The following RABGAP1L variants were observed in gnomAD, a reference collection of about 807,000 sequenced individuals.
The protein encoded by RABGAP1L is RAB GTPase activating protein 1 like.
Under a neutral mutation model 137.7 loss-of-function variants are expected in RABGAP1L, and 63 were observed. The ratio of observed to expected loss-of-function variants is 0.46; its 90% CI spans 0.37 to 0.56. The LOEUF (loss-of-function observed/expected upper bound fraction) is 0.56, where lower values mean the gene tolerates loss of function less well. RABGAP1L is among the 20% of genes least tolerant of loss of function. RABGAP1L has a pLI of 0.00. For missense variants in RABGAP1L, 1,095 were observed against 1,244.0 expected (o/e 0.88, Z 1.80); for synonymous variants, 431 against 433.7 (o/e 0.99, Z 0.08).
intron 12 of RABGAP1L, among the ~76,000 whole-genome samples, chr1:174,385,669 A>C (rs1460437237): frequency 2.0e-5 from 3 of 152,206 alleles, no homozygotes; most frequent in Admixed American, 2.0e-4. Flanking sequence ...AGAAAGTACA[A>C]CCAGTGAGGT....
intron 13 of RABGAP1L, among the ~76,000 whole-genome samples, chr1:174,412,156 G>A (rs955233585): frequency 2.0e-5 from 3 of 152,120 alleles, no homozygotes; most frequent in East Asian, 1.9e-4. Flanking sequence ...CCAAACTTGG[G>A]CGTGTATATA....
chr1:174,932,026 G>A (rs1276391632), intron 19 of RABGAP1L, among the ~76,000 whole-genome samples: 4 of 92,700 alleles, frequency 4.3e-5, no homozygotes, highest in Non-Finnish European at 7.9e-5. Context: ...CCTGTCCAGT[G>A]AAGTTTTGAG....
intron 18 of RABGAP1L, among the ~76,000 whole-genome samples, chr1:174,788,411 A>G (rs1234662947): frequency 6.6e-6 from 1 of 152,234 alleles, no homozygotes; most frequent in Non-Finnish European, 1.5e-5. Context: ...GAAAGTTAAC[A>G]CAGAAACACT....
chr1:174,407,215 G>A (rs774435703), intron 13 of RABGAP1L, among the ~76,000 whole-genome samples: 3 of 151,798 alleles, frequency 2.0e-5, no homozygotes, highest in Non-Finnish European at 2.9e-5. Flanking sequence ...CACATGTTTT[G>A]GTCACAGTTC....
intron 10 of RABGAP1L, among the ~76,000 whole-genome samples, chr1:174,294,436 G>T (rs914930382): frequency 6.6e-6 from 1 of 152,136 alleles, no homozygotes; most frequent in East Asian, 1.9e-4. Flanking sequence ...CAGGATTTGT[G>T]GGAAATCAGA....
chr1:174,778,000 T>TATTTTTCCAAATTTGATGAAA (rs1238831588), intron 18 of RABGAP1L, among the ~76,000 whole-genome samples: 1 of 152,182 alleles, frequency 6.6e-6, no homozygotes, highest in Non-Finnish European at 1.5e-5. Flanking sequence ...TAATGGCTGA[T>TATTTTTCCAAATTTGATGAAA]ATTTTTCCAA....
At chr1:174,394,973 T>C (rs1647645280) in intron 13 of RABGAP1L, among the ~76,000 whole-genome samples, 1 of 152,026 alleles carries the variant, frequency 6.6e-6, no homozygotes, top group Non-Finnish European at 1.5e-5. Context: ...ATTTAACTTT[T>C]TTTTTTTAAA....
intron 23 of RABGAP1L, 94 bp from the exon 24 acceptor site, chr1:174,982,740 G>A (rs1422998565): frequency 6.5e-6 from 8 of 1,237,158 alleles, no homozygotes; most frequent in Non-Finnish European, 6.9e-6. Context: ...AGGATCAGAT[G>A]TGCTAGCATA....
At chr1:174,738,935 C>T (rs1172176344) in intron 17 of RABGAP1L, among the ~76,000 whole-genome samples, 1 of 152,206 alleles carries the variant, frequency 6.6e-6, no homozygotes, top group African/African-American at 2.4e-5. Flanking sequence ...TTGTAGCTCT[C>T]ACTTTTAAAT....
chr1:174,433,535 A>G (rs774747663), intron 13 of RABGAP1L, among the ~76,000 whole-genome samples: 8 of 152,182 alleles, frequency 5.3e-5, no homozygotes, highest in Non-Finnish European at 1.0e-4. Context: ...ATTGTCTTAG[A>G]TCTCAGCTAG....
At chr1:174,987,229 C>T (rs967983518) in intron 24 of RABGAP1L, among the ~76,000 whole-genome samples, 9 of 151,836 alleles carry the variant, frequency 5.9e-5, no homozygotes, top group African/African-American at 9.7e-5. Context: ...TGCAGTGGCG[C>T]GATCTCGGCA....
chr1:174,749,272 C>T (rs1684144496), intron 17 of RABGAP1L, among the ~76,000 whole-genome samples: 1 of 151,086 alleles, frequency 6.6e-6, no homozygotes, highest in African/African-American at 2.4e-5. Context: ...GATGGGGCTT[C>T]CAGGTCATAG....
rs766593142 is a variant in RABGAP1L, at chr1:174,877,582, G to T, written c.2340+65622G>T. 9.3e-5 allele frequency: 150 copies of T among 1,613,592 alleles called. 1 individual carries two copies. The South Asian group carries it at 1.6e-3, about 17-fold the overall frequency. On this transcript the variant is annotated intron_variant, in intron 19 of 25. Coordinates refer to ENST00000681986, the MANE Select transcript of RABGAP1L (RefSeq NM_001366446.1). ...TGAAGACTTCCTCACTAGTCTGGTGGCCATCAGCAAGCCCAGGTCTATGGT... is the reference window on the plus strand; with the variant it reads ...TGAAGACTTCCTCACTAGTCTGGTGTCCATCAGCAAGCCCAGGTCTATGGT...
chr1:174,543,168 T>G (rs1665640100), intron 13 of RABGAP1L, among the ~76,000 whole-genome samples: 1 of 152,206 alleles, frequency 6.6e-6, no homozygotes, highest in African/African-American at 2.4e-5. Context: ...TCTGTCTCAT[T>G]GATCTGTCTA....
intron 12 of RABGAP1L, among the ~76,000 whole-genome samples, chr1:174,383,334 G>T (rs943629585): frequency 2.1e-4 from 32 of 151,566 alleles, no homozygotes; most frequent in South Asian, 4.2e-4. Context: ...CGAGCTTCCT[G>T]GCTGCTTTGT....
At chr1:174,451,910 C>G (rs1655496041) in intron 13 of RABGAP1L, among the ~76,000 whole-genome samples, 1 of 152,034 alleles carries the variant, frequency 6.6e-6, no homozygotes, top group South Asian at 2.1e-4. Context: ...AAATCTCTAT[C>G]AATTTCTTTT....
At chr1:174,501,966 A>G (rs545639668) in intron 13 of RABGAP1L, among the ~76,000 whole-genome samples, 66 of 151,004 alleles carry the variant, frequency 4.4e-4, no homozygotes, top group Admixed American at 1.1e-3. Flanking sequence ...GGTTTCTTTC[A>G]TTTCTAAAAT....
chr1:174,926,047 C>T (rs1019337068), intron 19 of RABGAP1L, among the ~76,000 whole-genome samples: 1 of 151,368 alleles, frequency 6.6e-6, no homozygotes, highest in African/African-American at 2.4e-5. Context: ...TCATTTTGAT[C>T]GCCAGTTGTC....
At chr1:174,856,940 A>T (rs1023414799) in intron 19 of RABGAP1L, among the ~76,000 whole-genome samples, 1 of 152,058 alleles carries the variant, frequency 6.6e-6, no homozygotes, top group Non-Finnish European at 1.5e-5. Flanking sequence ...AAAAAAAAAA[A>T]GTTAGACCTT....
Sources: allele counts gnomAD v4.1 joint callset (sites outside exome capture counted in the v4.1 genomes callset), GRCh38; gene constraint gnomAD v4.1.1; transcripts MANE v1.5; gene names NCBI Gene and HGNC (gene_info 2026-07-23, HGNC 2026-07-21).